Variants in ZMYM5 observed in about 807,000 individuals in gnomAD.
ZMYM5 encodes the protein zinc finger MYM-type protein 5.
A neutral mutation model predicts 61.8 loss-of-function variants in ZMYM5; 41 were observed. The observed-to-expected ratio is 0.66, with a 90% CI of 0.52 to 0.86. ZMYM5 has a LOEUF of 0.86. Ranked by LOEUF, ZMYM5 falls within the 40% of genes least tolerant of loss-of-function variation. ZMYM5 has a pLI of 0.00. For missense variants in ZMYM5, 706 were observed against 786.7 expected, an observed-to-expected ratio of 0.90 and a Z score of 1.23; for synonymous variants, 257 against 276.4, an observed-to-expected ratio of 0.93 and a Z score of 0.70.
At chr13:19,847,803 A>ATTTTTTTTTTTTTTTTT (rs34176871) in intron 4 of ZMYM5, among the ~76,000 whole-genome samples, 2 of 79,886 alleles carry the variant, frequency 2.5e-5, no homozygotes, top group Non-Finnish European at 2.2e-5. Context: ...TGCCCGGCTA[A>ATTTTTTTTTTTTTTTTT]TTTTTTTTTT....
chr13:19,844,770 C>A (rs369980067), intron 4 of ZMYM5, among the ~76,000 whole-genome samples: 1 of 152,154 alleles, frequency 6.6e-6, no homozygotes, highest in Admixed American at 6.5e-5. Flanking sequence ...TACAGGTGGC[C>A]GTCACCACGC....
Position 19,835,487 on chromosome 13 carries a change from T to G in ZMYM5, c.1241A>C (p.Glu414Ala), listed in dbSNP as rs748690389. 59 of 1,367,142 alleles carry G rather than the reference T, an allele frequency of 4.3e-5. No individual in the cohort carries two copies. The highest frequency in any genetic ancestry group is 5.5e-5 in the Non-Finnish European group (56 of 1,021,620). 84.7% of individuals were successfully genotyped at this position (1,367,142 alleles called of 1,614,324 possible). The change falls in exon 7 of 8, where the codon GAA becomes GCA. Residue 414 changes from glutamate to alanine, a missense_variant. Glu to Ala is a moderately radical substitution (Grantham distance 107). This residue lies in a region of ZMYM5 where 226 missense variants were observed against 325.0 expected (regional missense o/e 0.70). Coordinates refer to ENST00000337963, the MANE Select transcript of ZMYM5 (RefSeq NM_001142684.2). ...ATGAAAAAGAATTACCTGTTTATATTCGTTAATACAACTTTGGCAGCAAAA... is the reference window on the plus strand; with the variant it reads ...ATGAAAAAGAATTACCTGTTTATATGCGTTAATACAACTTTGGCAGCAAAA... ...KRFCCQSCIN[E>A]YKQMMETKSK...
chr13:19,859,737 A>G (rs1422265082), intron 2 of ZMYM5, among the ~76,000 whole-genome samples: 1 of 152,004 alleles, frequency 6.6e-6, no homozygotes, highest in Non-Finnish European at 1.5e-5. Context: ...CATAAATAAA[A>G]CAGTCAAGAA....
At chr13:19,845,725 A>G (rs1953052505) in intron 4 of ZMYM5, among the ~76,000 whole-genome samples, 1 of 152,230 alleles carries the variant, frequency 6.6e-6, no homozygotes, top group African/African-American at 2.4e-5. Flanking sequence ...AGCCAAATGA[A>G]GAAGCTCATA....
Position 19,860,448 on chromosome 13 carries a change from ATG to A in ZMYM5, c.-11+1949_-11+1950del, listed in dbSNP as rs1205444485. Among the ~76,000 whole-genome samples, 868 of 141,514 alleles carry A rather than the reference ATG, an allele frequency of 6.1e-3. 1 individual carries two copies. The highest frequency in any genetic ancestry group is 7.2e-3 in the Middle Eastern group (2 of 278). 92.8% of individuals were successfully genotyped at this position (141,514 alleles called of 152,430 possible). A position where few individuals can be genotyped will look rare whatever the true frequency, so the allele number is the denominator to read the frequency against. ...GCTAATTTTGTGTGTGTGTGTGTGT[ATG>A]TGTGTGTGTGTGTGTGTGTGTATTT... On this transcript the variant is annotated intron_variant, in intron 2 of 7. Transcript: ENST00000337963.
chr13:19,844,927 C>T (rs1045682199), intron 4 of ZMYM5, among the ~76,000 whole-genome samples: 1 of 152,170 alleles, frequency 6.6e-6, no homozygotes, highest in African/African-American at 2.4e-5. Context: ...CCCGCTGAAA[C>T]TCTTATGCTG....
At chr13:19,848,029 G>A (rs1953147212) in intron 4 of ZMYM5, among the ~76,000 whole-genome samples, 1 of 151,362 alleles carries the variant, frequency 6.6e-6, no homozygotes, top group South Asian at 2.1e-4. Flanking sequence ...GGAGTGCAGT[G>A]GCATGATCTC....
At chr13:19,844,652 C>T (rs1180103153) in intron 4 of ZMYM5, among the ~76,000 whole-genome samples, 1 of 152,090 alleles carries the variant, frequency 6.6e-6, no homozygotes, top group African/African-American at 2.4e-5. Context: ...GATGGAGTTT[C>T]GCTCTTGTTG....
At chr13:19,846,204 T>C (rs1953066363) in intron 4 of ZMYM5, among the ~76,000 whole-genome samples, 1 of 152,202 alleles carries the variant, frequency 6.6e-6, no homozygotes, top group South Asian at 2.1e-4. Context: ...AGTTTAGCCT[T>C]TGACATCTTA....
chr13:19,828,005 C>A (rs58040646), intron 7 of ZMYM5, among the ~76,000 whole-genome samples: 1,596 of 107,790 alleles, frequency 0.015, 15 homozygotes, highest in Middle Eastern at 0.037. Context: ...GGCGACAGAG[C>A]GAGACTCCAT....
At chr13:19,852,264 C>T (rs1282751845) in intron 2 of ZMYM5, 74 bp from the exon 3 acceptor site, 1 of 1,415,052 alleles carries the variant, frequency 7.1e-7, no homozygotes, top group Non-Finnish European at 9.2e-7. Flanking sequence ...TAAAATAGCA[C>T]AAGCAAATTT....
At chr13:19,859,893 C>A (rs994544639) in intron 2 of ZMYM5, among the ~76,000 whole-genome samples, 18 of 150,378 alleles carry the variant, frequency 1.2e-4, no homozygotes, top group African/African-American at 4.4e-4. Context: ...TCACTTAGGT[C>A]AGGAGTTCGA....
chr13:19,850,508 G>A (rs1483315725), intron 4 of ZMYM5, among the ~76,000 whole-genome samples: 8 of 152,052 alleles, frequency 5.3e-5, no homozygotes, highest in Admixed American at 5.2e-4. Context: ...GGCTGAGGCA[G>A]GAGAATCAGT....
intron 2 of ZMYM5, 67 bp from the exon 3 acceptor site, chr13:19,852,257 A>G: frequency 7.0e-7 from 1 of 1,427,766 alleles, no homozygotes; most frequent in Non-Finnish European, 9.2e-7. Context: ...ACTACAATAA[A>G]ATAGCACAAG....
At chr13:19,849,621 T>C (rs1953208953) in intron 4 of ZMYM5, among the ~76,000 whole-genome samples, 1 of 152,214 alleles carries the variant, frequency 6.6e-6, no homozygotes, top group Non-Finnish European at 1.5e-5. Context: ...ATGATTTTTT[T>C]CTAAATATTC....
In ZMYM5 at chr13:19,825,665, A is replaced by G. The variant is rs558616305; in HGVS notation, c.1252-430T>C. Among the ~76,000 whole-genome samples, 503 of 149,944 alleles carry G rather than the reference A, an allele frequency of 3.4e-3. 2 individuals carry two copies. The highest frequency in any genetic ancestry group is 0.026 in the South Asian group (123 of 4,748). On this transcript the variant is annotated intron_variant, in intron 7 of 7. Coordinates refer to ENST00000337963, the MANE Select transcript of ZMYM5 (RefSeq NM_001142684.2). ...CTGTCCCAAAAGAAGAAGAAGAAGA[A>G]AAAAAAAAAGGTGACAAGTCCCAAA...
chr13:19,851,728 G>T lies in ZMYM5; in HGVS notation c.453C>A (p.Asn151Lys). 6.3e-7 allele frequency: 1 copy of T among 1,582,834 alleles called. No homozygotes were observed. The highest frequency in any genetic ancestry group is 8.5e-7 in the Non-Finnish European group (1 of 1,171,144). ...GACTGGAAGTGGAGAAATCCAAATCGTTGGTTTTGTTTTTAGTTCCAGGAA... is the reference window on the plus strand; with the variant it reads ...GACTGGAAGTGGAGAAATCCAAATCTTTGGTTTTGTTTTTAGTTCCAGGAA... ...WGLPGTKNKT[N>K]DLDFSTSSLS... The change falls in exon 3 of 8, where the codon AAC becomes AAA. Residue 151 changes from asparagine (N) to lysine (K), a missense_variant. This residue lies in a region of ZMYM5 where 480 missense variants were observed against 461.7 expected (regional missense o/e 1.04). Transcript: ENST00000337963.
chr13:19,849,773 A>G (rs1210631938), intron 4 of ZMYM5, among the ~76,000 whole-genome samples: 1 of 152,086 alleles, frequency 6.6e-6, no homozygotes, highest in African/African-American at 2.4e-5. Context: ...TGAGGTCAGG[A>G]GTTTGAGACC....
intron 2 of ZMYM5, among the ~76,000 whole-genome samples, chr13:19,857,022 C>T (rs567471810): frequency 1.3e-5 from 2 of 152,076 alleles, no homozygotes; most frequent in Non-Finnish European, 2.9e-5. Flanking sequence ...AGGAGAATGG[C>T]GTGAACCCGG....
Sources: gnomAD v4.1 joint callset for allele counts (sites outside exome capture counted in the v4.1 genomes callset) on GRCh38, gnomAD v4.1.1 for gene constraint, gnomAD v4.1.1 regional missense constraint, MANE v1.5 for transcripts, NCBI Gene and HGNC (gene_info 2026-07-23, HGNC 2026-07-21) for gene names.